The following MGAT4C variants were observed in gnomAD, a reference collection of about 807,000 sequenced individuals.
MGAT4C encodes the protein MGAT4 family member C.
Under a neutral mutation model 40.1 loss-of-function variants are expected in MGAT4C, and 19 were observed. That is an observed-to-expected ratio of 0.47 (90% CI 0.33 to 0.70). The LOEUF is 0.70. Ranked by LOEUF, MGAT4C falls within the 30% of genes least tolerant of loss-of-function variation. MGAT4C has a pLI of 0.02. For synonymous variants in MGAT4C, 181 were observed against 187.1 expected, an observed-to-expected ratio of 0.97 and a Z score of 0.27; for missense variants, 491 against 563.2, an observed-to-expected ratio of 0.87 and a Z score of 1.30.
chr12:86,797,568 A>G (rs1207037666), intron 1 of MGAT4C, among the ~76,000 whole-genome samples: 1 of 151,926 alleles, frequency 6.6e-6, no homozygotes, highest in Non-Finnish European at 1.5e-5. Context: ...CATTGCAACC[A>G]TGGAGACCAC....
intron 2 of MGAT4C, among the ~76,000 whole-genome samples, chr12:86,438,132 A>C (rs1957169193): frequency 1.3e-5 from 2 of 152,070 alleles, no homozygotes; most frequent in South Asian, 4.1e-4. Context: ...GCACAGGAAA[A>C]GTTCTTAAAA....
At chr12:86,028,055 C>A in intron 2 of MGAT4C, 1 of 1,110,330 alleles carries the variant, frequency 9.0e-7, no homozygotes, top group South Asian at 1.3e-5. Context: ...AAGAAAGTAT[C>A]AAACACATGC....
At chr12:86,285,857 TC>T (rs1398638984) in intron 4 of MGAT4C, among the ~76,000 whole-genome samples, 1 of 151,978 alleles carries the variant, frequency 6.6e-6, no homozygotes, top group Non-Finnish European at 1.5e-5. Context: ...TGCATATATT[TC>T]AATCATGTAT....
At chr12:86,365,102 G>A (rs1310626584) in intron 3 of MGAT4C, among the ~76,000 whole-genome samples, 5 of 152,126 alleles carry the variant, frequency 3.3e-5, no homozygotes, top group South Asian at 2.1e-4. Flanking sequence ...AAAGACGGCC[G>A]CCCCCTGAAG....
At position 86,613,657 on chromosome 12, in the gene MGAT4C, G is replaced by A. The variant is rs12300379; in HGVS notation, c.-229+113552C>T. ...TAACTAATAATATTTTAGGATCCTA[G>A]GAATACTATAACTGCAAGCACCCTA... On this transcript the variant is annotated intron_variant, in intron 2 of 7. Coordinates refer to the MGAT4C transcript ENST00000548651. Among the ~76,000 whole-genome samples the A allele has an allele frequency of 6.9e-3, 1,051 of 151,980 alleles. 16 individuals carry two copies. The highest frequency in any genetic ancestry group is 0.024 in the African/African-American group (1,012 of 41,480).
chr12:86,603,739 T>G (rs1961922312), intron 2 of MGAT4C, among the ~76,000 whole-genome samples: 1 of 130,212 alleles, frequency 7.7e-6, no homozygotes, highest in African/African-American at 2.9e-5. Context: ...TAATTATATA[T>G]ACTATATATT....
At chr12:86,472,560 A>T (rs1957771178) in intron 2 of MGAT4C, among the ~76,000 whole-genome samples, 1 of 152,118 alleles carries the variant, frequency 6.6e-6, no homozygotes, top group South Asian at 2.1e-4. Context: ...CCATCTATAT[A>T]TATTATTGTT....
intron 3 of MGAT4C, among the ~76,000 whole-genome samples, chr12:86,356,355 G>T (rs2136196580): frequency 6.6e-6 from 1 of 152,218 alleles, no homozygotes. Flanking sequence ...ATTTGGATCA[G>T]GTTCCAAGAT....
intron 1 of MGAT4C, among the ~76,000 whole-genome samples, chr12:86,802,410 A>G (rs1348568856): frequency 1.3e-5 from 2 of 152,120 alleles, no homozygotes; most frequent in African/African-American, 4.8e-5. Context: ...AATTCTGTAC[A>G]TAGTACTGTA....
intron 2 of MGAT4C, among the ~76,000 whole-genome samples, chr12:86,038,740 G>A (rs1226520467): frequency 1.3e-5 from 2 of 149,688 alleles, no homozygotes; most frequent in Non-Finnish European, 3.0e-5. Flanking sequence ...TACATTTAAG[G>A]TTAATATTGT....
intron 4 of MGAT4C, among the ~76,000 whole-genome samples, chr12:86,288,189 A>G (rs1953404110): frequency 6.6e-6 from 1 of 151,910 alleles, no homozygotes; most frequent in Non-Finnish European, 1.5e-5. Context: ...CCACTTTTTA[A>G]TGGGGTTGTT....
chr12:86,637,938 A>G (rs1204115666), intron 2 of MGAT4C, among the ~76,000 whole-genome samples: 1 of 151,900 alleles, frequency 6.6e-6, no homozygotes, highest in African/African-American at 2.4e-5. Context: ...AATTACTCAG[A>G]CATTTTATAC....
At chr12:86,358,235 C>T (rs900776701) in intron 3 of MGAT4C, among the ~76,000 whole-genome samples, 11 of 152,054 alleles carry the variant, frequency 7.2e-5, no homozygotes, top group Admixed American at 1.3e-4. Flanking sequence ...AACTAAGCTT[C>T]GTAAGTGAAG....
chr12:86,202,854 C>A (rs1464211565), intron 1 of MGAT4C, among the ~76,000 whole-genome samples: 3 of 151,856 alleles, frequency 2.0e-5, no homozygotes, highest in East Asian at 3.9e-4. Flanking sequence ...CATTCTTTTG[C>A]AATTTCAAAA....
rs573703411 is a variant in MGAT4C at position 86,684,381 on chromosome 12, A to G, written c.-229+42828T>C. Among the ~76,000 whole-genome samples, 71 of 152,342 alleles carry G rather than the reference A, an allele frequency of 4.7e-4. 1 individual carries two copies. Among genetic ancestry groups the G allele is most frequent in the African/African-American group, 1.7e-3 (69 of 41,574 alleles). On this transcript the variant is annotated intron_variant, in intron 2 of 7. Transcript: ENST00000548651. ...TAAACTCATTAATTTTTATGGCAGC[A>G]TAGTATTCCATGGTATATATGTGCC...
At chr12:86,419,416 A>C (rs1375340133) in intron 3 of MGAT4C, among the ~76,000 whole-genome samples, 1 of 151,142 alleles carries the variant, frequency 6.6e-6, no homozygotes, top group African/African-American at 2.4e-5. Flanking sequence ...ACATACATAA[A>C]TTTTAAATTA....
In MGAT4C at chr12:86,367,785, G is replaced by A. The variant is rs545841848; in HGVS notation, c.-119-33658C>T. ...ACTGCACTCCAGCCTAGGCGACAGA[G>A]CGAGACTCCGTCTCAAAAAAACAAA... is the stretch of plus-strand genomic sequence containing the variant. On this transcript the variant is annotated intron_variant, in intron 3 of 7. Coordinates refer to the MGAT4C transcript ENST00000548651. Among the ~76,000 whole-genome samples the A allele has an allele frequency of 1.1e-4, 17 of 152,196 alleles. No individual in the cohort carries two copies. In the South Asian group the frequency reaches 3.5e-3, roughly 32 times the overall value.
chr12:86,511,459 C>G (rs1007576811), intron 2 of MGAT4C, among the ~76,000 whole-genome samples: 6 of 151,990 alleles, frequency 3.9e-5, no homozygotes, highest in African/African-American at 7.2e-5. Flanking sequence ...TCTTAATTTT[C>G]TTCCAGATTG....
intron 1 of MGAT4C, among the ~76,000 whole-genome samples, chr12:86,066,417 C>A (rs562608609): frequency 6.6e-6 from 1 of 151,906 alleles, no homozygotes; most frequent in Non-Finnish European, 1.5e-5. Context: ...ACATCTGCAA[C>A]CATCTTACCT....
Sources: allele counts gnomAD v4.1 joint callset (sites outside exome capture counted in the v4.1 genomes callset), GRCh38; gene constraint gnomAD v4.1.1; transcripts MANE v1.5; gene names NCBI Gene and HGNC (gene_info 2026-07-23, HGNC 2026-07-21).